Variants in ACOT4 observed in about 807,000 individuals in gnomAD.
ACOT4 encodes peroxisomal succinyl-coenzyme A thioesterase.
ACOT4 carries 18 observed loss-of-function variants against 17.1 expected under a neutral mutation model. The observed-to-expected ratio is 1.05, with a 90% CI of 0.73 to 1.56. The LOEUF (loss-of-function observed/expected upper bound fraction) is 1.56, where lower values mean the gene tolerates loss of function less well. Ranked by LOEUF, ACOT4 falls within the 40% of genes most tolerant of loss-of-function variation. ACOT4 has a pLI of 0.00. For synonymous variants in ACOT4, 234 were observed against 236.6 expected (o/e 0.99, Z 0.10); for missense variants, 574 against 557.2 (o/e 1.03, Z -0.30).
chr14:73,593,914 A>G lies in ACOT4; in HGVS notation c.660+10A>G, dbSNP rs1042375728. 36 of 1,601,510 alleles carry G rather than the reference A, an allele frequency of 2.2e-5. No homozygotes were observed. The highest frequency in any genetic ancestry group is 2.9e-5 in the Non-Finnish European group (34 of 1,171,470). Reference sequence around the variant, plus strand: ...GCTTCAACATCCCCAGGTTCTCCTCATGTCCTTTATTTAATCAGTCTCTCT... The same window carrying G: ...GCTTCAACATCCCCAGGTTCTCCTCGTGTCCTTTATTTAATCAGTCTCTCT... On this transcript the variant is annotated intron_variant, in intron 2 of 2. Transcript: ENST00000326303.
At chr14:73,594,980 C>T (rs1890221139) in intron 2 of ACOT4, 69 bp from the exon 3 acceptor site, 1 of 1,568,364 alleles carries the variant, frequency 6.4e-7, no homozygotes, top group Non-Finnish European at 8.7e-7. Context: ...GTTGGGATTA[C>T]AGGCATGAGC....
At chr14:73,592,499 G>A (rs1890171799) in intron 1 of ACOT4, 83 bp downstream of exon 1, 1 of 1,394,228 alleles carries the variant, frequency 7.2e-7, no homozygotes, top group Non-Finnish European at 9.4e-7. Flanking sequence ...GCACTGGTTT[G>A]GTTTTGGAGC....
chr14:73,594,116 T>C, intron 2 of ACOT4, among the ~76,000 whole-genome samples: 1 of 152,252 alleles, frequency 6.6e-6, no homozygotes, highest in East Asian at 1.9e-4. Flanking sequence ...TTTTATTTAG[T>C]AATATTAAAT....
chr14:73,594,972 T>G (rs1350580055), intron 2 of ACOT4, 77 bp from the exon 3 acceptor site: 1 of 1,550,226 alleles, frequency 6.5e-7, no homozygotes. Context: ...CGCAGAGTGT[T>G]GGGATTACAG....
chr14:73,594,005 C>A, intron 2 of ACOT4, 101 bp downstream of exon 2: 1 of 1,106,032 alleles, frequency 9.0e-7, no homozygotes, highest in Non-Finnish European at 1.3e-6. Context: ...TCCTCTTTCA[C>A]AAAGATGTCT....
At chr14:73,593,044 G>A (rs1890180846) in intron 1 of ACOT4, among the ~76,000 whole-genome samples, 1 of 152,102 alleles carries the variant, frequency 6.6e-6, no homozygotes, top group South Asian at 2.1e-4. Context: ...GATTTCTACA[G>A]GCATCAGCCT....
rs1349009587 is a variant in ACOT4 at position 73,595,534 on chromosome 14, T to TA, written c.1147dup (p.Ile383AsnfsTer11). On this transcript the variant is annotated frameshift_variant, in exon 3 of 3. Coordinates refer to ENST00000326303, the MANE Select transcript of ACOT4 (RefSeq NM_152331.4). LOFTEE classifies it low-confidence loss of function (END_TRUNC). Reference sequence around the variant, plus strand: ...TTCACAGATTACTGAACAAACATGTTATATGGGGTGGGGAGCCCAGGGCTC... The same window carrying TA: ...TTCACAGATTACTGAACAAACATGTTAATATGGGGTGGGGAGCCCAGGGCTC... 1.6e-5 allele frequency: 26 copies of TA among 1,610,810 alleles called. No homozygotes were observed. In the African/African-American group the frequency reaches 2.3e-4, roughly 14 times the overall value.
rs1302093126 is a variant in ACOT4 at position 73,592,032 on chromosome 14, G to T, written c.73G>T (p.Gly25Cys). 4 of 1,448,518 alleles carry T rather than the reference G, an allele frequency of 2.8e-6. No individual in the cohort carries two copies. Among genetic ancestry groups the T allele is most frequent in the South Asian group, 1.4e-5 (1 of 71,032 alleles). 89.7% of individuals were successfully genotyped at this position (1,448,518 alleles called of 1,614,324 possible). ...CGAGCCGGTGCGCATTGCCGTGCGC[G>T]GCCTGGCCCCGGAGCAGCGGGTTAC... ...WNEPVRIAVRGLAPEQRVTLR... is the reference protein window; with the variant it reads ...WNEPVRIAVRCLAPEQRVTLR... Residue 25 changes from glycine to cysteine, a missense_variant, in exon 1 of 3, where the codon GGC (glycine) becomes TGC (cysteine). Coordinates refer to ENST00000326303, the MANE Select transcript of ACOT4 (RefSeq NM_152331.4).
intron 1 of ACOT4, among the ~76,000 whole-genome samples, chr14:73,593,066 G>C (rs1406630086): frequency 6.6e-6 from 1 of 152,136 alleles, no homozygotes; most frequent in Non-Finnish European, 1.5e-5. Context: ...ACTTGTCTAA[G>C]GCAGAATGAT....
Position 73,592,172 on chromosome 14 carries a change from C to G in ACOT4, c.213C>G (p.Ser71Arg). The G allele has an allele frequency of 6.2e-7, 1 of 1,604,646 alleles. No individual in the cohort carries two copies. Among genetic ancestry groups the G allele is most frequent in the Non-Finnish European group, 8.5e-7 (1 of 1,176,336 alleles). ...AGCGCGCACCCGCGCTGGGCGGCAG[C>G]TTCGCGGGACTCGAGCCCATGGGGC... ...DLERAPALGG[S>R]FAGLEPMGLL... Residue 71 changes from serine (S) to arginine (R), a missense_variant, in exon 1 of 3, where the codon AGC becomes AGG. Transcript: ENST00000326303.
At chr14:73,592,532 A>G in intron 1 of ACOT4, 116 bp downstream of exon 1, 1 of 1,257,252 alleles carries the variant, frequency 8.0e-7, no homozygotes. Context: ...GCTAACATTG[A>G]CTATGTCAGT....
At position 73,594,979 on chromosome 14, in the gene ACOT4, A is replaced by C. The variant is rs550237027; in HGVS notation, c.661-70A>C. 56 of 1,565,458 alleles carry C rather than the reference A, an allele frequency of 3.6e-5. No homozygotes were observed. The East Asian group carries it at 1.2e-3, about 33-fold the overall frequency. ...CTCCGCCTCGCAGAGTGTTGGGATT[A>C]CAGGCATGAGCCACCGCACCCAATC... On this transcript the variant is annotated intron_variant, in intron 2 of 2. Coordinates refer to ENST00000326303, the MANE Select transcript of ACOT4 (RefSeq NM_152331.4).
rs755250482 is a variant in ACOT4, at chr14:73,592,025, C to T, written c.66C>T (p.Ala22=). 7.3e-5 allele frequency: 106 copies of T among 1,444,852 alleles called. 1 individual carries two copies. Among genetic ancestry groups the T allele is most frequent in the Middle Eastern group, 6.7e-4 (3 of 4,474 alleles). 89.5% of individuals were successfully genotyped at this position (1,444,852 alleles called of 1,614,324 possible). The change falls in exon 1 of 3, where the codon GCC becomes GCT. Residue 22 remains alanine, a synonymous_variant. Coordinates refer to ENST00000326303, the MANE Select transcript of ACOT4 (RefSeq NM_152331.4). The part of the protein sequence containing the change: ...RCCWNEPVRI[A]VRGLAPEQRV... ...GCTGGAACGAGCCGGTGCGCATTGC[C>T]GTGCGCGGCCTGGCCCCGGAGCAGC...
In ACOT4 at chr14:73,595,571, C is replaced by G; in HGVS notation, c.1183C>G (p.Gln395Glu). 1 of 1,583,450 alleles carries G rather than the reference C, an allele frequency of 6.3e-7. No individual in the cohort carries two copies. The highest frequency in any genetic ancestry group is 1.1e-5 in the South Asian group (1 of 88,422). Reference protein sequence around the residue: ...GGEPRAHSKAQEDAWKQILAF... With the variant: ...GGEPRAHSKAEEDAWKQILAF... Reference sequence around the variant, plus strand: ...GGAGCCCAGGGCTCATTCTAAGGCCCAGGAAGATGCCTGGAAGCAAATTCT... The same window carrying G: ...GGAGCCCAGGGCTCATTCTAAGGCCGAGGAAGATGCCTGGAAGCAAATTCT... The change falls in exon 3 of 3, where the codon CAG becomes GAG. Residue 395 changes from glutamine (Q) to glutamate (E), a missense_variant. Physicochemically the swap from Gln to Glu is conservative, Grantham distance 29. Coordinates refer to ENST00000326303, the MANE Select transcript of ACOT4 (RefSeq NM_152331.4).
At chr14:73,592,755 A>G (rs1890176713) in intron 1 of ACOT4, among the ~76,000 whole-genome samples, 1 of 152,198 alleles carries the variant, frequency 6.6e-6, no homozygotes, top group African/African-American at 2.4e-5. Context: ...CGGGAGGCTG[A>G]GGCACGAGAA....
chr14:73,594,572 C>T (rs1388363437), intron 2 of ACOT4, among the ~76,000 whole-genome samples: 2 of 152,216 alleles, frequency 1.3e-5, no homozygotes. Flanking sequence ...TGGGAAGAAA[C>T]TCCCCTGTCA....
At position 73,592,040 on chromosome 14, in the gene ACOT4, C is replaced by T. The variant is rs766399598; in HGVS notation, c.81C>T (p.Ala27=). The T allele has an allele frequency of 1.4e-6, 2 of 1,461,512 alleles. No homozygotes were observed. Among genetic ancestry groups the T allele is most frequent in the Non-Finnish European group, 1.8e-6 (2 of 1,108,960 alleles). The allele number at this position is 1,461,512 out of a possible 1,614,324, so 90.5% of individuals were successfully genotyped here. ...TGCGCATTGCCGTGCGCGGCCTGGC[C>T]CCGGAGCAGCGGGTTACGCTGCGCG... is the stretch of plus-strand genomic sequence containing the variant. ...EPVRIAVRGL[A]PEQRVTLRAS... The change falls in exon 1 of 3, where the codon GCC becomes GCT. Residue 27 remains alanine (A), a synonymous_variant. Coordinates refer to ENST00000326303, the MANE Select transcript of ACOT4 (RefSeq NM_152331.4).
In ACOT4 at chr14:73,592,375, T is replaced by C; in HGVS notation, c.416T>C (p.Val139Ala). ...CCGCCAGGGGTGCGGCGCCAGTCGG[T>C]GCGAGCGGGCCGGGTGCGCGCCACG... Reference protein sequence around the residue: ...FLPPGVRRQSVRAGRVRATLF... With the variant: ...FLPPGVRRQSARAGRVRATLF... Residue 139 changes from valine (V) to alanine (A), a missense_variant, in exon 1 of 3, where the codon GTG (valine) becomes GCG (alanine). By Grantham distance (64) the Val-to-Ala change is moderately conservative (BLOSUM62 0). Transcript: ENST00000326303. 6.4e-7 allele frequency: 1 copy of C among 1,569,552 alleles called. No homozygotes were observed. Among genetic ancestry groups the C allele is most frequent in the Non-Finnish European group, 8.6e-7 (1 of 1,161,174 alleles).
Position 73,591,937 on chromosome 14 carries a change from G to GA in ACOT4, c.-21dup. ...GGACGGGTCTCGGGCCTCGACCTTT[G>GA]AATTCCCCGCTCCGGCTCCAAGATG... On this transcript the variant is annotated 5_prime_UTR_variant, in exon 1 of 3. Coordinates refer to ENST00000326303, the MANE Select transcript of ACOT4 (RefSeq NM_152331.4). 7.4e-7 allele frequency: 1 copy of GA among 1,360,312 alleles called. No individual in the cohort carries two copies. The highest frequency in any genetic ancestry group is 1.9e-5 in the South Asian group (1 of 52,688). The allele number at this position is 1,360,312 out of a possible 1,614,324, so 84.3% of individuals were successfully genotyped here.
Sources: allele counts gnomAD v4.1 joint callset (sites outside exome capture counted in the v4.1 genomes callset), GRCh38; gene constraint gnomAD v4.1.1; transcripts MANE v1.5; gene names NCBI Gene and HGNC (gene_info 2026-07-23, HGNC 2026-07-21).